ADORA2B: variants seen among roughly 807,000 people sequenced by gnomAD.
ADORA2B encodes adenosine A2b receptor.
ADORA2B carries 18 observed loss-of-function variants against 20.8 expected under a neutral mutation model. That is an observed-to-expected ratio of 0.87 (90% CI 0.60 to 1.29). The LOEUF is 1.29. ADORA2B is among the 50% of genes most tolerant of loss of function. ADORA2B has a pLI of 0.00. For synonymous variants in ADORA2B, 179 were observed against 178.3 expected, an observed-to-expected ratio of 1.00 and a Z score of -0.03; for missense variants, 441 against 422.7, an observed-to-expected ratio of 1.04 and a Z score of -0.38.
chr17:15,878,419 G>A, the ADORA2B span, among the ~76,000 whole-genome samples: 2 of 152,150 alleles, frequency 1.3e-5, no homozygotes, highest in Non-Finnish European at 2.9e-5. Context: ...AGCATGATCT[G>A]AATGCGGCAC....
At chr17:15,897,755 T>C in the ADORA2B span, among the ~76,000 whole-genome samples, 1 of 152,292 alleles carries the variant, frequency 6.6e-6, no homozygotes, top group East Asian at 1.9e-4. Flanking sequence ...CAGTGAGATA[T>C]AATTTGATAA....
At chr17:15,858,608 C>G in the ADORA2B span, 1 of 152,252 alleles carries the variant, frequency 6.6e-6, no homozygotes. Context: ...TTAAAAACTC[C>G]CCCAGTTATT....
At chr17:15,894,299 G>T in the ADORA2B span, among the ~76,000 whole-genome samples, 1 of 152,190 alleles carries the variant, frequency 6.6e-6, no homozygotes, top group African/African-American at 2.4e-5. Context: ...TCGTCAAAGA[G>T]CCCAGAGAGA....
chr17:15,964,386 C>G (rs1297466206), intron 1 of ADORA2B, among the ~76,000 whole-genome samples: 1 of 151,850 alleles, frequency 6.6e-6, no homozygotes, highest in Admixed American at 6.6e-5. Context: ...ATTGGCGGAT[C>G]ACCAGAGGTC....
At chr17:15,875,703 C>G in the ADORA2B span, among the ~76,000 whole-genome samples, 2 of 152,204 alleles carry the variant, frequency 1.3e-5, no homozygotes, top group African/African-American at 4.8e-5. Context: ...CTGCCTCAGC[C>G]TCCCAAGTAG....
chr17:15,891,749 T>A, the ADORA2B span, among the ~76,000 whole-genome samples: 7 of 151,860 alleles, frequency 4.6e-5, no homozygotes, highest in Non-Finnish European at 1.0e-4. Context: ...TGGCGTGATC[T>A]CGGCTCACTG....
At chr17:15,950,454 TC>T (rs1364107630) in intron 1 of ADORA2B, among the ~76,000 whole-genome samples, 2 of 151,964 alleles carry the variant, frequency 1.3e-5, no homozygotes. Flanking sequence ...CTCCTTTGCC[TC>T]CCCCCTGGCA....
At chr17:15,945,724 C>T (rs977154208) in intron 1 of ADORA2B, 141 bp downstream of exon 1, 7 of 772,636 alleles carry the variant, frequency 9.1e-6, no homozygotes, top group African/African-American at 1.8e-5. Context: ...GGCTGGTTCC[C>T]AGCCTGGCCA....
chr17:15,894,396 T>A, the ADORA2B span, among the ~76,000 whole-genome samples: 60 of 152,140 alleles, frequency 3.9e-4, no homozygotes, highest in African/African-American at 1.3e-3. Context: ...TGTCAGAAGG[T>A]GGAGGAGGCA....
chr17:15,929,845 G>C, the ADORA2B span, among the ~76,000 whole-genome samples: 1 of 152,258 alleles, frequency 6.6e-6, no homozygotes, highest in African/African-American at 2.4e-5. Context: ...AAGTAGAATG[G>C]TGGTTGCCAG....
chr17:15,880,923 T>C, the ADORA2B span, among the ~76,000 whole-genome samples: 7 of 152,226 alleles, frequency 4.6e-5, no homozygotes, highest in East Asian at 1.3e-3. Context: ...GGGCATATGC[T>C]TAAAGTACTT....
the ADORA2B span, among the ~76,000 whole-genome samples, chr17:15,854,189 A>G: frequency 5.9e-5 from 9 of 152,200 alleles, no homozygotes; most frequent in African/African-American, 1.9e-4. Flanking sequence ...TCCTGACCTC[A>G]GGTGATCTGC....
the ADORA2B span, among the ~76,000 whole-genome samples, chr17:15,901,797 A>G: frequency 1.1e-4 from 17 of 152,188 alleles, no homozygotes; most frequent in African/African-American, 3.9e-4. Context: ...ATCTGATCAT[A>G]TGGCAAATCT....
At chr17:15,874,831 A>G in the ADORA2B span, among the ~76,000 whole-genome samples, 4 of 152,106 alleles carry the variant, frequency 2.6e-5, no homozygotes, top group African/African-American at 9.7e-5. Flanking sequence ...GTTGTGTTAT[A>G]CTTTCCATTT....
At chr17:15,878,470 A>G in the ADORA2B span, among the ~76,000 whole-genome samples, 1 of 152,210 alleles carries the variant, frequency 6.6e-6, no homozygotes, top group African/African-American at 2.4e-5. Context: ...AGTGTCAGCC[A>G]GTGCTGTGAT....
chr17:15,945,312 G>C lies in ADORA2B; in HGVS notation c.64G>C (p.Val22Leu), dbSNP rs957220322. Residue 22 changes from valine to leucine, a missense_variant, in exon 1 of 2, where the codon GTG becomes CTG. Coordinates refer to ENST00000304222, the MANE Select transcript of ADORA2B (RefSeq NM_000676.4). ...ALELVIAALS[V>L]AGNVLVCAAV... ...GGAGCTGGTCATCGCCGCGCTTTCG[G>C]TGGCGGGCAACGTGCTGGTGTGCGC... The C allele has an allele frequency of 5.1e-6, 8 of 1,580,798 alleles. No homozygotes were observed. The African/African-American group carries it at 1.1e-4, about 21-fold the overall frequency.
intron 1 of ADORA2B, among the ~76,000 whole-genome samples, chr17:15,963,021 A>G (rs977336547): frequency 7.9e-5 from 12 of 152,206 alleles, no homozygotes; most frequent in Admixed American, 4.6e-4. Flanking sequence ...AATTATATAT[A>G]AAAACCAAGA....
At chr17:15,955,967 G>A (rs1272412537) in intron 1 of ADORA2B, among the ~76,000 whole-genome samples, 3 of 151,946 alleles carry the variant, frequency 2.0e-5, no homozygotes, top group Non-Finnish European at 2.9e-5. Context: ...CGATCTGCCT[G>A]CCTCGGCCTC....
the ADORA2B span, among the ~76,000 whole-genome samples, chr17:15,911,216 G>A: frequency 6.6e-6 from 1 of 152,198 alleles, no homozygotes; most frequent in Non-Finnish European, 1.5e-5. Flanking sequence ...AATTCAACCC[G>A]AGAGTTATTA....
Sources: gnomAD v4.1 joint callset for allele counts (sites outside exome capture counted in the v4.1 genomes callset) on GRCh38, gnomAD v4.1.1 for gene constraint, MANE v1.5 for transcripts, NCBI Gene and HGNC (gene_info 2026-07-23, HGNC 2026-07-21) for gene names.